The following PCDHGA3 variants were observed in gnomAD, a reference collection of about 807,000 sequenced individuals.
PCDHGA3 encodes the protein protocadherin gamma subfamily A, 3.
PCDHGA3 carries 40 observed loss-of-function variants against 58.5 expected under a neutral mutation model. That is an observed-to-expected ratio of 0.68 (90% CI 0.53 to 0.89). PCDHGA3 has a LOEUF of 0.89. Among genes scored for constraint, PCDHGA3 ranks in the 40% least tolerant of loss-of-function variants. The pLI is 0.00. For synonymous variants in PCDHGA3, 530 were observed against 525.7 expected (o/e 1.01, Z -0.11); for missense variants, 1,223 against 1,195.9 (o/e 1.02, Z -0.33).
At position 141,432,476 on chromosome 5, in the gene PCDHGA3, A is replaced by T. The variant is rs778378071; in HGVS notation, c.2425-62331A>T. On this transcript the variant is annotated intron_variant, in intron 1 of 3. Transcript: ENST00000253812. This position sits in a 1 kb window ranked among gnomAD's most constrained non-coding sequence, Gnocchi z 6.0. ...CCCCGCCCTCCCCACGGACGGTTCC[A>T]CTGGCGTGGAGCTGGCTCCCCGCTC... 4.6e-5 allele frequency: 75 copies of T among 1,613,962 alleles called. No homozygotes were observed. In the South Asian group the frequency reaches 7.9e-4, roughly 17 times the overall value.
intron 1 of PCDHGA3, among the ~76,000 whole-genome samples, chr5:141,373,541 T>A (rs1769670522): frequency 6.6e-6 from 1 of 152,216 alleles, no homozygotes. Context: ...TGTTTGTGGT[T>A]GTTGGTACCC....
chr5:141,422,432 A>G, intron 1 of PCDHGA3: 1 of 1,609,448 alleles, frequency 6.2e-7, no homozygotes, highest in Non-Finnish European at 8.5e-7. Context: ...TATGGAAATT[A>G]TTACAAATTG....
chr5:141,400,611 G>T (rs555600694), intron 1 of PCDHGA3: 1 of 1,573,002 alleles, frequency 6.4e-7, no homozygotes, highest in South Asian at 1.1e-5. Context: ...CAAGTCCAAT[G>T]AGTTGTCTTA....
chr5:141,470,836 C>T lies in PCDHGA3; in HGVS notation c.2425-23971C>T, dbSNP rs577375498. On this transcript the variant is annotated intron_variant, in intron 1 of 3. Transcript: ENST00000253812. ...CTGAGTAGTTAGGACGACAAACACA[C>T]GCCACCATGCTCAGATAAGTTTTTT... 2.6e-5 allele frequency among the ~76,000 whole-genome samples: 4 copies of T among 152,176 alleles called. No homozygotes were observed. The East Asian group carries it at 5.8e-4, about 22-fold the overall frequency.
chr5:141,384,770 G>A, intron 1 of PCDHGA3: 3 of 1,613,906 alleles, frequency 1.9e-6, no homozygotes, highest in Non-Finnish European at 2.5e-6. Flanking sequence ...CTGTACACGG[G>A]CGAGGTGCGC....
chr5:141,510,795 G>T (rs994874330), intron 3 of PCDHGA3, 152 bp from the exon 4 acceptor site: 6 of 1,465,214 alleles, frequency 4.1e-6, no homozygotes. Flanking sequence ...CTTGTGAAGA[G>T]AGACTACCTT....
At chr5:141,362,681 T>A in intron 1 of PCDHGA3, 1 of 1,158,954 alleles carries the variant, frequency 8.6e-7, no homozygotes, top group Non-Finnish European at 1.2e-6. Flanking sequence ...TTAATTGTCT[T>A]AATCTTATCT....
At chr5:141,394,513 T>C in intron 1 of PCDHGA3, 1 of 1,614,112 alleles carries the variant, frequency 6.2e-7, no homozygotes, top group Non-Finnish European at 8.5e-7. Flanking sequence ...TACCCCGCCC[T>C]CCCCACAGAC....
rs770619389 is a variant in PCDHGA3 at position 141,490,764 on chromosome 5, T to C, written c.2425-4043T>C. On this transcript the variant is annotated intron_variant, in intron 1 of 3. Coordinates refer to ENST00000253812, the MANE Select transcript of PCDHGA3 (RefSeq NM_018916.4). The surrounding 1 kb of genome is among the most constrained non-coding windows in gnomAD (Gnocchi z 5.4). ...GAGCCCCAGCCTCCTCCTTTGTGTA[T>C]GTCAACCCAGAGGATGGACGGATCT... is the stretch of plus-strand genomic sequence containing the variant. 22 of 1,613,970 alleles carry C rather than the reference T, an allele frequency of 1.4e-5. No individual in the cohort carries two copies. Among genetic ancestry groups the C allele is most frequent in the Non-Finnish European group, 1.6e-5 (19 of 1,179,928 alleles).
At chr5:141,350,814 G>A (rs1758567733) in intron 1 of PCDHGA3, 2 of 1,614,022 alleles carry the variant, frequency 1.2e-6, no homozygotes, top group Non-Finnish European at 1.7e-6. Flanking sequence ...AGTCCTGATG[G>A]AAGTAAATAT....
intron 1 of PCDHGA3, chr5:141,367,871 A>G (rs2149916351): frequency 6.6e-6 from 1 of 152,278 alleles, no homozygotes; most frequent in South Asian, 2.1e-4. Flanking sequence ...GTGTAGGTGC[A>G]ATTCTTCTTT....
chr5:141,432,014 A>C lies in PCDHGA3; in HGVS notation c.2425-62793A>C, dbSNP rs778393699. Reference sequence around the variant, plus strand: ...GGATAGGGAACAGGTTCCTAGCTACAACATCACAGTGACCGCCACTGACCG... The same window carrying C: ...GGATAGGGAACAGGTTCCTAGCTACCACATCACAGTGACCGCCACTGACCG... On this transcript the variant is annotated intron_variant, in intron 1 of 3. Transcript: ENST00000253812. This position sits in a 1 kb window ranked among gnomAD's most constrained non-coding sequence, Gnocchi z 6.0. 16 of 1,614,196 alleles carry C rather than the reference A, an allele frequency of 9.9e-6. 1 individual carries two copies. In the South Asian group the frequency reaches 1.6e-4, roughly 17 times the overall value.
chr5:141,432,649 A>C lies in PCDHGA3; in HGVS notation c.2425-62158A>C, dbSNP rs769351399. The C allele has an allele frequency of 5.6e-6, 9 of 1,613,742 alleles. No individual in the cohort carries two copies. The highest frequency in any genetic ancestry group is 6.8e-6 in the Non-Finnish European group (8 of 1,179,918). ...ACACGGGCGAGGTGCGCACGGCGCG[A>C]GCCCTGCTGGACAGAGACGCGCTCA... is the stretch of plus-strand genomic sequence containing the variant. On this transcript the variant is annotated intron_variant, in intron 1 of 3. Transcript: ENST00000253812. This position sits in a 1 kb window ranked among gnomAD's most constrained non-coding sequence, Gnocchi z 6.0.
intron 1 of PCDHGA3, chr5:141,351,074 G>A: frequency 2.5e-6 from 4 of 1,614,076 alleles, no homozygotes; most frequent in Non-Finnish European, 3.4e-6. Context: ...GGGCATTAAT[G>A]CAGAGATCAC....
chr5:141,385,378 C>G, intron 1 of PCDHGA3: 3 of 1,519,118 alleles, frequency 2.0e-6, no homozygotes, highest in Non-Finnish European at 2.6e-6. Flanking sequence ...TGATATTTCT[C>G]TATTATTTTG....
chr5:141,510,252 G>A (rs1342841474), intron 3 of PCDHGA3, among the ~76,000 whole-genome samples: 4 of 148,432 alleles, frequency 2.7e-5, no homozygotes, highest in Admixed American at 1.3e-4. Context: ...CAGGCTGGGC[G>A]ACAGAGCAGG....
At chr5:141,484,899 T>G (rs1296997337) in intron 1 of PCDHGA3, 9 of 398,498 alleles carry the variant, frequency 2.3e-5, no homozygotes, top group Non-Finnish European at 3.1e-5. Flanking sequence ...TCCCCTCCAA[T>G]GCTGCGACGC....
chr5:141,380,578 G>A (rs532519748), intron 1 of PCDHGA3, among the ~76,000 whole-genome samples: 19 of 152,144 alleles, frequency 1.2e-4, no homozygotes, highest in African/African-American at 3.4e-4. Flanking sequence ...ATATCTTGGC[G>A]GTCTAGTAAA....
chr5:141,422,968 C>T lies in PCDHGA3; in HGVS notation c.2425-71839C>T. 6.2e-7 allele frequency: 1 copy of T among 1,614,240 alleles called. No homozygotes were observed. Among genetic ancestry groups the T allele is most frequent in the South Asian group, 1.1e-5 (1 of 91,086 alleles). On this transcript the variant is annotated intron_variant, in intron 1 of 3. Coordinates refer to ENST00000253812, the MANE Select transcript of PCDHGA3 (RefSeq NM_018916.4). ...CTCCACTGGCGTGGAGCTGGCGCCC[C>T]GCTCTGCGGAACCTGGCTACCTGGT...
Sources: allele counts gnomAD v4.1 joint callset (sites outside exome capture counted in the v4.1 genomes callset), GRCh38; gene constraint gnomAD v4.1.1; non-coding constraint Gnocchi (gnomAD v3.1); transcripts MANE v1.5; gene names NCBI Gene and HGNC (gene_info 2026-07-23, HGNC 2026-07-21).